Variants in CCR5AS observed in about 807,000 individuals in gnomAD.
The protein encoded by CCR5AS is CCR5 antisense RNA.
chr3:46,398,603 A>G (rs1166316183), intron 1 of CCR5AS, among the ~76,000 whole-genome samples: 1 of 152,192 alleles, frequency 6.6e-6, no homozygotes, highest in Non-Finnish European at 1.5e-5. Context: ...TTATTGTCCT[A>G]ACTCAGCACA....
chr3:46,399,583 T>A (rs1195992282), intron 1 of CCR5AS, among the ~76,000 whole-genome samples: 1 of 152,072 alleles, frequency 6.6e-6, no homozygotes, highest in East Asian at 1.9e-4. Context: ...GAGGAAAAAG[T>A]TGGGACTCAA....
In CCR5AS at chr3:46,377,747, C is replaced by T. The variant is rs551652354; in HGVS notation, n.392-6330G>A. On this transcript the variant is annotated intron_variant and non_coding_transcript_variant, in intron 2 of 3. Transcript: ENST00000451485. The stretch of plus-strand genomic sequence containing the variant: ...TTGAGATGGAGTCTCGCTCTGTTGC[C>T]CAGGCTGGAGTGCAATGGTGCGATC... Among the ~76,000 whole-genome samples, 15 of 152,038 alleles carry T rather than the reference C, an allele frequency of 9.9e-5. No individual in the cohort carries two copies. In the South Asian group the frequency reaches 2.9e-3, roughly 29 times the overall value.
chr3:46,390,524 GC>G (rs1189555989), intron 2 of CCR5AS, among the ~76,000 whole-genome samples: 1 of 152,140 alleles, frequency 6.6e-6, no homozygotes, highest in East Asian at 1.9e-4. Flanking sequence ...TTGGCATTGA[GC>G]GGGGTAAGGG....
intron 2 of CCR5AS, among the ~76,000 whole-genome samples, chr3:46,390,123 G>C (rs1701897323): frequency 6.6e-6 from 1 of 152,106 alleles, no homozygotes; most frequent in African/African-American, 2.4e-5. Context: ...AAGTAATGTG[G>C]GCTGTCCCTG....
chr3:46,404,297 T>TTCTC (rs149336611), intron 1 of CCR5AS, among the ~76,000 whole-genome samples: 4,290 of 71,026 alleles, frequency 0.06, 321 homozygotes, highest in South Asian at 0.079. Context: ...CAGCAAGGCT[T>TTCTC]TCTCTCTCTC....
At chr3:46,375,606 A>T (rs1017654850) in intron 2 of CCR5AS, 4 of 164,834 alleles carry the variant, frequency 2.4e-5, no homozygotes, top group Admixed American at 6.7e-5. Flanking sequence ...AGCTGCCTTG[A>T]GCCTTAAAAC....
intron 3 of CCR5AS, among the ~76,000 whole-genome samples, chr3:46,366,817 G>A (rs1345676232): frequency 1.3e-5 from 2 of 152,202 alleles, no homozygotes; most frequent in Admixed American, 1.3e-4. Context: ...GATGGGGGTA[G>A]ATTCTTCCTA....
intron 3 of CCR5AS, among the ~76,000 whole-genome samples, chr3:46,366,625 G>A (rs144408058): frequency 1.3e-5 from 2 of 152,352 alleles, no homozygotes; most frequent in Non-Finnish European, 2.9e-5. Context: ...GGGCTGGGAA[G>A]TGGGTTACCC....
At chr3:46,404,072 A>T (rs978187382) in intron 1 of CCR5AS, among the ~76,000 whole-genome samples, 1 of 152,216 alleles carries the variant, frequency 6.6e-6, no homozygotes, top group Admixed American at 6.5e-5. Flanking sequence ...AAAGGCGATA[A>T]ATCAGTAACT....
At chr3:46,376,739 C>T (rs977893887) in intron 2 of CCR5AS, among the ~76,000 whole-genome samples, 7 of 152,100 alleles carry the variant, frequency 4.6e-5, no homozygotes, top group African/African-American at 1.4e-4. Context: ...TTTATGTGCA[C>T]GAGTCTCTTA....
chr3:46,383,113 C>T (rs1701829988), intron 2 of CCR5AS, among the ~76,000 whole-genome samples: 2 of 152,196 alleles, frequency 1.3e-5, no homozygotes, highest in East Asian at 3.8e-4. Context: ...TCACTCTCTG[C>T]AGTGAGAGAG....
chr3:46,401,414 G>A (rs1220724985), intron 1 of CCR5AS, among the ~76,000 whole-genome samples: 2 of 152,154 alleles, frequency 1.3e-5, no homozygotes, highest in African/African-American at 2.4e-5. Flanking sequence ...TAGAGGAAAT[G>A]TCTGTGACAT....
chr3:46,379,659 C>A (rs572137822), intron 2 of CCR5AS, among the ~76,000 whole-genome samples: 1 of 152,174 alleles, frequency 6.6e-6, no homozygotes, highest in Admixed American at 6.5e-5. Flanking sequence ...CTTTGGGAGA[C>A]CGAGGAGGGC....
chr3:46,376,837 A>G (rs1701765709), intron 2 of CCR5AS, among the ~76,000 whole-genome samples: 1 of 152,090 alleles, frequency 6.6e-6, no homozygotes, highest in East Asian at 1.9e-4. Context: ...GTCACTGCAC[A>G]CTCATCTCCC....
intron 2 of CCR5AS, among the ~76,000 whole-genome samples, chr3:46,390,179 G>T (rs1479004166): frequency 6.6e-6 from 1 of 152,168 alleles, no homozygotes; most frequent in African/African-American, 2.4e-5. Context: ...GGACTGGTGG[G>T]TGTCAGAGTC....
At chr3:46,401,378 T>TG (rs1702004696) in intron 1 of CCR5AS, among the ~76,000 whole-genome samples, 1 of 151,936 alleles carries the variant, frequency 6.6e-6, no homozygotes, top group Admixed American at 6.6e-5. Context: ...GAACCCAAGG[T>TG]GGGGTCTGGC....
intron 1 of CCR5AS, among the ~76,000 whole-genome samples, chr3:46,397,637 C>T (rs1701972014): frequency 6.6e-6 from 1 of 152,170 alleles, no homozygotes; most frequent in African/African-American, 2.4e-5. Flanking sequence ...GCCTGACTCC[C>T]CTGACCTTGC....
At chr3:46,374,988 G>T (rs946138055) in intron 2 of CCR5AS, 1 of 167,502 alleles carries the variant, frequency 6.0e-6, no homozygotes, top group East Asian at 1.9e-4. Flanking sequence ...GGTTGGAAGT[G>T]AGGGTCAGAG....
At chr3:46,376,827 G>C (rs1701765174) in intron 2 of CCR5AS, among the ~76,000 whole-genome samples, 1 of 152,170 alleles carries the variant, frequency 6.6e-6, no homozygotes, top group South Asian at 2.1e-4. Flanking sequence ...CTGGTTTTCA[G>C]TCACTGCACA....
Sources: allele counts gnomAD v4.1 joint callset (sites outside exome capture counted in the v4.1 genomes callset), GRCh38; gene constraint gnomAD v4.1.1; transcripts MANE v1.5; gene names NCBI Gene and HGNC (gene_info 2026-07-23, HGNC 2026-07-21).